The following GPR137B variants were observed in gnomAD, a reference collection of about 807,000 sequenced individuals.
GPR137B encodes the protein integral membrane protein GPR137B.
Under a neutral mutation model 42.5 loss-of-function variants are expected in GPR137B, and 42 were observed. That is an observed-to-expected ratio of 0.99 (90% confidence interval 0.77 to 1.28). GPR137B has a LOEUF of 1.28. GPR137B is among the 50% of genes most tolerant of loss of function. GPR137B has a pLI of 0.00. For missense variants in GPR137B, 487 were observed against 493.9 expected, an observed-to-expected ratio of 0.99 and a Z score of 0.13; for synonymous variants, 218 against 209.7, an observed-to-expected ratio of 1.04 and a Z score of -0.34.
At chr1:236,153,305 G>C (rs1025036815) in intron 1 of GPR137B, among the ~76,000 whole-genome samples, 9 of 152,180 alleles carry the variant, frequency 5.9e-5, no homozygotes, top group African/African-American at 2.2e-4. Flanking sequence ...GCCCCTGGCA[G>C]CCACCCATCT....
intron 4 of GPR137B, 68 bp downstream of exon 4, chr1:236,180,096 A>T: frequency 7.2e-7 from 1 of 1,390,866 alleles, no homozygotes; most frequent in South Asian, 1.2e-5. Flanking sequence ...CATTGGTTCC[A>T]GGACCCCAGA....
chr1:236,205,729 C>T (rs1018768756), intron 6 of GPR137B, among the ~76,000 whole-genome samples: 10 of 152,046 alleles, frequency 6.6e-5, no homozygotes, highest in South Asian at 2.1e-4. Context: ...TTAGTAGAGA[C>T]GGGGTTTTGC....
chr1:236,199,416 G>A (rs1338502953), intron 5 of GPR137B, among the ~76,000 whole-genome samples: 1 of 152,022 alleles, frequency 6.6e-6, no homozygotes, highest in Non-Finnish European at 1.5e-5. Context: ...AATGATTTAG[G>A]GAGGATTCCC....
At chr1:236,152,135 C>T (rs1338879452) in intron 1 of GPR137B, among the ~76,000 whole-genome samples, 5 of 152,082 alleles carry the variant, frequency 3.3e-5, no homozygotes, top group Non-Finnish European at 7.4e-5. Context: ...CGATTCATTT[C>T]ATTTATTCAA....
intron 1 of GPR137B, among the ~76,000 whole-genome samples, chr1:236,153,045 T>G (rs2102892728): frequency 7.0e-6 from 1 of 142,668 alleles, no homozygotes; most frequent in Middle Eastern, 3.8e-3. Context: ...GACAGAGCAA[T>G]ACTCCATCTC....
Position 236,155,230 on chromosome 1 carries a change from GGACACGGGCT to G in GPR137B, c.414+12206_414+12215del, listed in dbSNP as rs1418439104. 1.3e-5 allele frequency among the ~76,000 whole-genome samples: 2 copies of G among 152,368 alleles called. No homozygotes were observed. The highest frequency in any genetic ancestry group is 2.9e-5 in the Non-Finnish European group (2 of 68,042). ...ATTCCTGCGGGGCTTCCAGGGCGGA[GGACACGGGCT>G]GACACGGGCTGTCCCTGGGAAGGAA... On this transcript the variant is annotated intron_variant, in intron 1 of 6. Transcript: ENST00000366592. The surrounding 1 kb of genome is among the most constrained non-coding windows in gnomAD (Gnocchi z 4.6).
chr1:236,167,999 A>T (rs1035627193), intron 1 of GPR137B, among the ~76,000 whole-genome samples: 5 of 152,220 alleles, frequency 3.3e-5, no homozygotes. Context: ...GTCCAATTTG[A>T]TACTTCTTTT....
intron 4 of GPR137B, among the ~76,000 whole-genome samples, chr1:236,180,375 C>CTG (rs113864030): frequency 0.076 from 11,573 of 152,128 alleles, 1,300 homozygotes; most frequent in African/African-American, 0.25. Flanking sequence ...GGAGGGCCGA[C>CTG]TGTTTGCATT....
rs1455807065 is a variant in GPR137B at position 236,150,522 on chromosome 1, A to G, written c.414+7486A>G. ...TCAGTGCCTCGGTGATGCCCTGCCA[A>G]CCGAGGGGGAACTAAATCCTGTTAA... On this transcript the variant is annotated intron_variant, in intron 1 of 6. Transcript: ENST00000366592. The surrounding 1 kb of genome is among the most constrained non-coding windows in gnomAD (Gnocchi z 6.2). 1.3e-5 allele frequency among the ~76,000 whole-genome samples: 2 copies of G among 152,030 alleles called. No individual in the cohort carries two copies. The highest frequency in any genetic ancestry group is 2.4e-5 in the African/African-American group (1 of 41,380).
Position 236,150,920 on chromosome 1 carries a change from G to A in GPR137B, c.414+7884G>A, listed in dbSNP as rs1351944356. Among the ~76,000 whole-genome samples the A allele has an allele frequency of 1.3e-5, 2 of 152,204 alleles. No individual in the cohort carries two copies. The highest frequency in any genetic ancestry group is 2.4e-5 in the African/African-American group (1 of 41,448). On this transcript the variant is annotated intron_variant, in intron 1 of 6. Transcript: ENST00000366592. The surrounding 1 kb of genome is among the most constrained non-coding windows in gnomAD (Gnocchi z 6.2). ...GGCTAGCTGCTCAGCGTTGAGTGGC[G>A]GGGAGTGGAGGGCAGGGGTCATGAC...
intron 1 of GPR137B, among the ~76,000 whole-genome samples, chr1:236,159,685 G>A (rs576648497): frequency 3.9e-5 from 6 of 152,294 alleles, no homozygotes; most frequent in South Asian, 2.1e-4. Flanking sequence ...TCAGTGACGC[G>A]TGAACAGACT....
chr1:236,176,805 A>T (rs1479529012), intron 2 of GPR137B, among the ~76,000 whole-genome samples: 1 of 152,004 alleles, frequency 6.6e-6, no homozygotes, highest in African/African-American at 2.4e-5. Flanking sequence ...TACAGTGTGG[A>T]TGGAGAGAGT....
intron 5 of GPR137B, among the ~76,000 whole-genome samples, chr1:236,195,691 A>G (rs546901033): frequency 6.6e-6 from 1 of 152,210 alleles, no homozygotes; most frequent in African/African-American, 2.4e-5. Flanking sequence ...ACTGTTCTCC[A>G]TAGTGGTTGT....
intron 2 of GPR137B, among the ~76,000 whole-genome samples, chr1:236,177,776 G>C (rs1261188512): frequency 6.6e-6 from 1 of 151,852 alleles, no homozygotes; most frequent in Non-Finnish European, 1.5e-5. Context: ...GGCTGGTCTT[G>C]AACTCCTGAC....
chr1:236,163,649 G>T (rs1347002863), intron 1 of GPR137B, among the ~76,000 whole-genome samples: 3 of 152,140 alleles, frequency 2.0e-5, no homozygotes, highest in African/African-American at 7.2e-5. Context: ...TTTATCAGGG[G>T]TTTCCGCTTT....
chr1:236,190,374 A>G (rs1255897383), intron 5 of GPR137B, among the ~76,000 whole-genome samples: 2 of 152,136 alleles, frequency 1.3e-5, no homozygotes, highest in East Asian at 3.8e-4. Context: ...TCCTGACATT[A>G]TGATGTTAGC....
intron 5 of GPR137B, among the ~76,000 whole-genome samples, chr1:236,188,461 T>C (rs1041309621): frequency 6.6e-6 from 1 of 152,198 alleles, no homozygotes; most frequent in Non-Finnish European, 1.5e-5. Context: ...TGTGGGTTTG[T>C]CATAAATAGC....
intron 1 of GPR137B, among the ~76,000 whole-genome samples, chr1:236,165,844 A>G (rs1662337079): frequency 6.6e-6 from 1 of 152,216 alleles, no homozygotes; most frequent in Non-Finnish European, 1.5e-5. Context: ...ATTTTCGGTA[A>G]TATTTCTTAC....
intron 5 of GPR137B, among the ~76,000 whole-genome samples, chr1:236,199,493 A>G (rs1663434484): frequency 1.3e-5 from 2 of 152,310 alleles, no homozygotes; most frequent in South Asian, 2.1e-4. Context: ...AATATCTGAT[A>G]GAAATTAGCT....
Sources: gnomAD v4.1 joint callset for allele counts (sites outside exome capture counted in the v4.1 genomes callset) on GRCh38, gnomAD v4.1.1 for gene constraint, Gnocchi (gnomAD v3.1) non-coding constraint, MANE v1.5 for transcripts, NCBI Gene and HGNC (gene_info 2026-07-23, HGNC 2026-07-21) for gene names.